Variants in PCDHGB4 observed in about 807,000 individuals in gnomAD.
PCDHGB4 encodes the protein protocadherin gamma subfamily B, 4, also known as protocadherin gamma-B4.
Under a neutral mutation model 60.5 loss-of-function variants are expected in PCDHGB4, and 38 were observed. That is an observed-to-expected ratio of 0.63 (90% CI 0.48 to 0.82). The LOEUF (loss-of-function observed/expected upper bound fraction) is 0.82. Among genes scored for constraint, PCDHGB4 ranks in the 40% least tolerant of loss-of-function variants. PCDHGB4 has a pLI of 0.00. For synonymous variants in PCDHGB4, 456 were observed against 509.7 expected, an observed-to-expected ratio of 0.89 and a Z score of 1.42; for missense variants, 1,109 against 1,209.6, an observed-to-expected ratio of 0.92 and a Z score of 1.23.
At position 141,395,545 on chromosome 5, in the gene PCDHGB4, TGTG is replaced by T. The variant is rs1561655187; in HGVS notation, c.2397+5265_2397+5267del. The T allele has an allele frequency of 2.9e-4, 51 of 177,126 alleles. 1 individual carries two copies. The highest frequency in any genetic ancestry group is 1.2e-3 in the African/African-American group (46 of 38,988). 11.0% of individuals were successfully genotyped at this position (177,126 alleles called of 1,614,324 possible). A position where few individuals can be genotyped will look rare whatever the true frequency, so the allele number is the denominator to read the frequency against. ...ATACTGGTAATTTTGCTATTGTTTG[TGTG>T]TGTGTGTGTGTGTGTGTGTGTGTGT... is the stretch of plus-strand genomic sequence containing the variant. On this transcript the variant is annotated intron_variant, in intron 1 of 3. Coordinates refer to ENST00000519479, the MANE Select transcript of PCDHGB4 (RefSeq NM_003736.4).
chr5:141,427,960 G>A, intron 1 of PCDHGB4: 2 of 1,589,168 alleles, frequency 1.3e-6, no homozygotes, highest in East Asian at 2.2e-5. Context: ...AATGTGCCGC[G>A]GGTGCTGTAC....
At chr5:141,420,692 A>G (rs2096518268) in intron 1 of PCDHGB4, among the ~76,000 whole-genome samples, 1 of 152,228 alleles carries the variant, frequency 6.6e-6, no homozygotes, top group Admixed American at 6.5e-5. Context: ...GGACCGTATT[A>G]TTTCCACTTC....
intron 1 of PCDHGB4, chr5:141,405,463 A>C: frequency 8.5e-7 from 1 of 1,181,354 alleles, no homozygotes. Flanking sequence ...TCTGTTACCC[A>C]GGCTGGAATG....
Position 141,491,885 on chromosome 5 carries a change from G to T in PCDHGB4, c.2398-2922G>T. On this transcript the variant is annotated intron_variant, in intron 1 of 3. Transcript: ENST00000519479. The surrounding 1 kb of genome is among the most constrained non-coding windows in gnomAD (Gnocchi z 6.9). ...ACCAGAGTGGCCGATTAAGGGATGG[G>T]GCTCCGAGCACCGGGGGTGGTGGCG... The T allele has an allele frequency of 6.9e-7, 1 of 1,445,748 alleles. No homozygotes were observed. Among genetic ancestry groups the T allele is most frequent in the Non-Finnish European group, 9.1e-7 (1 of 1,093,758 alleles). The allele number at this position is 1,445,748 out of a possible 1,614,324, so 89.6% of individuals were successfully genotyped here. A position where few individuals can be genotyped will look rare whatever the true frequency, so the allele number is the denominator to read the frequency against.
Position 141,469,573 on chromosome 5 carries a change from C to CTAAA in PCDHGB4, c.2398-25217_2398-25214dup, listed in dbSNP as rs1209972534. Among the ~76,000 whole-genome samples the CTAAA allele has an allele frequency of 1.4e-4, 21 of 151,674 alleles. No individual in the cohort carries two copies. In the East Asian group the frequency reaches 2.3e-3, roughly 17 times the overall value. On this transcript the variant is annotated intron_variant, in intron 1 of 3. Coordinates refer to ENST00000519479, the MANE Select transcript of PCDHGB4 (RefSeq NM_003736.4). ...CTGGCGACAGAGTGAGACTCTGTCT[C>CTAAA]TAAATAAATAAATAAATAAAACAAA...
chr5:141,490,903 C>G lies in PCDHGB4; in HGVS notation c.2398-3904C>G. 6.2e-7 allele frequency: 1 copy of G among 1,613,764 alleles called. No homozygotes were observed. The highest frequency in any genetic ancestry group is 1.7e-5 in the Admixed American group (1 of 60,022). On this transcript the variant is annotated intron_variant, in intron 1 of 3. Coordinates refer to ENST00000519479, the MANE Select transcript of PCDHGB4 (RefSeq NM_003736.4). This position sits in a 1 kb window ranked among gnomAD's most constrained non-coding sequence, Gnocchi z 5.4. ...CAACACATCTCTGCATGTGTTTGTC[C>G]TAGACGAGAATGATAATGCCCCAGC... is the stretch of plus-strand genomic sequence containing the variant.
chr5:141,438,601 T>C (rs2098005462), intron 1 of PCDHGB4, among the ~76,000 whole-genome samples: 6 of 26,284 alleles, frequency 2.3e-4, no homozygotes, highest in African/African-American at 1.3e-3. Flanking sequence ...CATATATATA[T>C]ATATATATAT....
chr5:141,438,617 TATATATATATATATATATACACAC>T (rs1311176771), intron 1 of PCDHGB4, among the ~76,000 whole-genome samples: 58 of 37,154 alleles, frequency 1.6e-3, no homozygotes, highest in African/African-American at 7.8e-3. Flanking sequence ...TATATATATA[TATATATATATATATATATACACAC>T]ACACACACAC....
chr5:141,498,105 G>C (rs150297456), intron 2 of PCDHGB4, among the ~76,000 whole-genome samples: 1 of 152,324 alleles, frequency 6.6e-6, no homozygotes, highest in East Asian at 1.9e-4. Flanking sequence ...TGGTGTGGGC[G>C]TATAATAGGG....
intron 1 of PCDHGB4, chr5:141,433,010 C>A (rs1392666523): frequency 6.2e-7 from 1 of 1,614,178 alleles, no homozygotes. Flanking sequence ...GGCTTTCCTG[C>A]AGACCTATTC....
chr5:141,434,092 A>C (rs1333686339), intron 1 of PCDHGB4, among the ~76,000 whole-genome samples: 1 of 152,172 alleles, frequency 6.6e-6, no homozygotes, highest in Non-Finnish European at 1.5e-5. Context: ...TTTGATGCTG[A>C]AATTGTCCCA....
At chr5:141,484,437 T>C (rs2099596528) in intron 1 of PCDHGB4, among the ~76,000 whole-genome samples, 1 of 152,232 alleles carries the variant, frequency 6.6e-6, no homozygotes, top group African/African-American at 2.4e-5. Context: ...ATGTACTGCA[T>C]AAATTTAATT....
chr5:141,495,205 C>T (rs977479495), intron 2 of PCDHGB4, among the ~76,000 whole-genome samples: 1 of 152,212 alleles, frequency 6.6e-6, no homozygotes, highest in African/African-American at 2.4e-5. Flanking sequence ...TACTGCCTAA[C>T]CCCCTCCCCT....
chr5:141,497,573 T>C (rs1231425210), intron 2 of PCDHGB4, among the ~76,000 whole-genome samples: 1 of 149,502 alleles, frequency 6.7e-6, no homozygotes, highest in South Asian at 2.1e-4. Context: ...AGAGTCTTGC[T>C]CTGTTGCCCA....
At chr5:141,453,909 T>C (rs1484310834) in intron 1 of PCDHGB4, among the ~76,000 whole-genome samples, 1 of 152,236 alleles carries the variant, frequency 6.6e-6, no homozygotes, top group Non-Finnish European at 1.5e-5. Flanking sequence ...TTTCAAAGTA[T>C]GTCAGTGATC....
At chr5:141,467,178 A>C (rs1344437465) in intron 1 of PCDHGB4, among the ~76,000 whole-genome samples, 1 of 151,604 alleles carries the variant, frequency 6.6e-6, no homozygotes, top group Non-Finnish European at 1.5e-5. Flanking sequence ...TCAGCCTCCC[A>C]AGTAGCTGGG....
chr5:141,400,322 G>T lies in PCDHGB4; in HGVS notation c.2397+10041G>T, dbSNP rs1025265322. The stretch of plus-strand genomic sequence containing the variant: ...CAACCTGGTCTCTGTGTCAAGTCTG[G>T]ACCTGTGGTTCCCCCCAACTACAGT... On this transcript the variant is annotated intron_variant, in intron 1 of 3. Transcript: ENST00000519479. 1.9e-6 allele frequency: 3 copies of T among 1,613,952 alleles called. No homozygotes were observed. In the African/African-American group the frequency reaches 4.0e-5, roughly 22 times the overall value.
chr5:141,458,594 G>A (rs1226490392), intron 1 of PCDHGB4, among the ~76,000 whole-genome samples: 2 of 151,612 alleles, frequency 1.3e-5, no homozygotes, highest in South Asian at 2.1e-4. Flanking sequence ...TTTTGGAGAC[G>A]AGTCTCACTC....
intron 1 of PCDHGB4, chr5:141,418,959 C>A: frequency 6.2e-7 from 1 of 1,613,976 alleles, no homozygotes; most frequent in East Asian, 2.2e-5. Flanking sequence ...GTGGTTGTTG[C>A]CCTCTTCAAA....
Sources: allele counts gnomAD v4.1 joint callset (sites outside exome capture counted in the v4.1 genomes callset), GRCh38; gene constraint gnomAD v4.1.1; non-coding constraint Gnocchi (gnomAD v3.1); transcripts MANE v1.5; gene names NCBI Gene and HGNC (gene_info 2026-07-23, HGNC 2026-07-21).